The following ARHGAP6 variants were observed in gnomAD, a reference collection of about 807,000 sequenced individuals.
ARHGAP6 encodes the protein rho GTPase-activating protein 6.
A neutral mutation model predicts 55.7 loss-of-function variants in ARHGAP6; 16 were observed. The observed-to-expected ratio is 0.29, with a 90% CI of 0.19 to 0.44. The LOEUF (loss-of-function observed/expected upper bound fraction) is 0.44, where lower values mean the gene tolerates loss of function less well. ARHGAP6 is among the 20% of genes least tolerant of loss of function. The pLI, the probability that ARHGAP6 is intolerant of heterozygous loss-of-function variation, is 1.00. For missense variants in ARHGAP6, 698 were observed against 808.9 expected, an observed-to-expected ratio of 0.86 and a Z score of 1.66; for synonymous variants, 382 against 360.9, an observed-to-expected ratio of 1.06 and a Z score of -0.66.
intron 1 of ARHGAP6, among the ~76,000 whole-genome samples, chrX:11,504,855 T>C (rs1184922931): frequency 8.9e-6 from 1 of 112,532 alleles, no homozygotes; most frequent in Non-Finnish European, 1.9e-5. Context: ...CAATGTCACA[T>C]TGGAGAAGTT....
chrX:11,576,019 G>A (rs979750039), intron 1 of ARHGAP6, among the ~76,000 whole-genome samples: 34 of 111,931 alleles, frequency 3.0e-4, no homozygotes, highest in African/African-American at 1.0e-3. Flanking sequence ...GTAAATTATC[G>A]TTTTTTTAAT....
At chrX:11,560,056 A>G (rs1406348021) in intron 1 of ARHGAP6, among the ~76,000 whole-genome samples, 1 of 110,694 alleles carries the variant, frequency 9.0e-6, no homozygotes, top group African/African-American at 3.3e-5. Flanking sequence ...CAAGTTCTCC[A>G]TGCTAAAAAA....
chrX:11,609,367 A>C (rs1383274656), intron 1 of ARHGAP6, among the ~76,000 whole-genome samples: 5 of 112,000 alleles, frequency 4.5e-5, no homozygotes, highest in Non-Finnish European at 3.8e-5. Flanking sequence ...CTCTCTGAGA[A>C]ACCAGAAGGA....
rs200368545 is a variant in ARHGAP6, at chrX:11,442,389, A to AT, written c.589-187683dup. On this transcript the variant is annotated intron_variant, in intron 1 of 12. Transcript: ENST00000337414. ...ACTCCTTTTGTAAAATCTAAAATTGATTTTTTTTAGAAGTATACACATTTT... is the reference window on the plus strand; with the variant it reads ...ACTCCTTTTGTAAAATCTAAAATTGATTTTTTTTTAGAAGTATACACATTTT... Among the ~76,000 whole-genome samples, 134 of 110,333 alleles carry AT rather than the reference A, an allele frequency of 1.2e-3. 1 individual carries two copies. The East Asian group carries it at 0.022, about 18-fold the overall frequency.
At chrX:11,434,466 G>A (rs1168555277) in intron 1 of ARHGAP6, among the ~76,000 whole-genome samples, 1 of 110,767 alleles carries the variant, frequency 9.0e-6, no homozygotes, top group Non-Finnish European at 1.9e-5. Context: ...GTAAAAATTG[G>A]CCATCTGTGT....
At chrX:11,432,067 G>C (rs1422549485) in intron 1 of ARHGAP6, among the ~76,000 whole-genome samples, 2 of 112,467 alleles carry the variant, frequency 1.8e-5, no homozygotes, top group South Asian at 7.5e-4. Context: ...TCTAGATATT[G>C]CAGATGTCCC....
chrX:11,545,679 T>A (rs1474040969), intron 1 of ARHGAP6, among the ~76,000 whole-genome samples: 1 of 111,800 alleles, frequency 8.9e-6, no homozygotes, highest in Non-Finnish European at 1.9e-5. Flanking sequence ...ACAAGAGAGT[T>A]AGTTCAGGGA....
At chrX:11,479,601 C>T (rs2147836154) in intron 1 of ARHGAP6, among the ~76,000 whole-genome samples, 1 of 111,689 alleles carries the variant, frequency 9.0e-6, no homozygotes, top group African/African-American at 3.3e-5. Context: ...GGGCTCTGCA[C>T]TTGGTTTAAG....
intron 1 of ARHGAP6, among the ~76,000 whole-genome samples, chrX:11,416,598 G>A (rs1025507342): frequency 1.3e-4 from 14 of 110,845 alleles, no homozygotes; most frequent in Non-Finnish European, 5.7e-5. Context: ...ATCATGATAA[G>A]GTTCAAACCT....
intron 1 of ARHGAP6, among the ~76,000 whole-genome samples, chrX:11,443,576 T>A (rs933941001): frequency 8.0e-5 from 9 of 112,373 alleles, no homozygotes; most frequent in Non-Finnish European, 1.3e-4. Context: ...CAGCTCTCTC[T>A]TTATTTCTTG....
chrX:11,647,862 A>G, intron 1 of ARHGAP6, among the ~76,000 whole-genome samples: 1 of 112,158 alleles, frequency 8.9e-6, no homozygotes, highest in Non-Finnish European at 1.9e-5. Flanking sequence ...AAAATACCTG[A>G]CCAATACTTT....
At chrX:11,211,349 G>C (rs1440296111) in intron 2 of ARHGAP6, among the ~76,000 whole-genome samples, 2 of 106,029 alleles carry the variant, frequency 1.9e-5, no homozygotes, top group African/African-American at 7.0e-5. Flanking sequence ...AGCCTCCCGA[G>C]TAGCTGTGAC....
rs146754802 is a variant in ARHGAP6 at position 11,595,191 on chromosome X, G to A, written c.588+69050C>T. Among the ~76,000 whole-genome samples, 970 of 109,672 alleles carry A rather than the reference G, an allele frequency of 8.8e-3. 8 individuals are homozygous for A. The highest frequency in any genetic ancestry group is 0.031 in the African/African-American group (930 of 30,011). ...TATAATCCCAGCAACTCGGGAGGCT[G>A]AGACAGGAGAATCGCTTGAACCCAG... On this transcript the variant is annotated intron_variant, in intron 1 of 12. Transcript: ENST00000337414.
chrX:11,300,710 T>C, intron 1 of ARHGAP6: 1 of 823,378 alleles, frequency 1.2e-6, no homozygotes, highest in Admixed American at 2.4e-5. Flanking sequence ...ACTTAGCAAA[T>C]TCTGTAACTA....
chrX:11,507,006 T>C lies in ARHGAP6; in HGVS notation c.588+157235A>G, dbSNP rs774958941. Reference sequence around the variant, plus strand: ...ATGACCAGTGATGGTGAGCATTTTTTCATAGTACATAGTGTCTTAATCATC... The same window carrying C: ...ATGACCAGTGATGGTGAGCATTTTTCCATAGTACATAGTGTCTTAATCATC... On this transcript the variant is annotated intron_variant, in intron 1 of 12. Transcript: ENST00000337414. 1.2e-4 allele frequency among the ~76,000 whole-genome samples: 13 copies of C among 112,355 alleles called. No homozygotes were observed. The South Asian group carries it at 4.5e-3, about 39-fold the overall frequency.
At chrX:11,376,691 T>G (rs1240170990) in intron 1 of ARHGAP6, among the ~76,000 whole-genome samples, 1 of 112,744 alleles carries the variant, frequency 8.9e-6, no homozygotes, top group Non-Finnish European at 1.9e-5. Context: ...AGATCACAAA[T>G]TATTACAGCA....
At chrX:11,299,799 A>G (rs1261432210) in intron 1 of ARHGAP6, among the ~76,000 whole-genome samples, 2 of 112,038 alleles carry the variant, frequency 1.8e-5, no homozygotes, top group African/African-American at 6.5e-5. Context: ...CCAGGATAAG[A>G]AGCCAGGACA....
chrX:11,661,397 T>C (rs2052702037), intron 1 of ARHGAP6, among the ~76,000 whole-genome samples: 1 of 112,744 alleles, frequency 8.9e-6, no homozygotes, highest in South Asian at 3.6e-4. Flanking sequence ...GAGGAAATGC[T>C]AACAAGATCG....
chrX:11,446,701 C>T (rs1477048893), intron 1 of ARHGAP6, among the ~76,000 whole-genome samples: 1 of 111,887 alleles, frequency 8.9e-6, no homozygotes, highest in Non-Finnish European at 1.9e-5. Flanking sequence ...AGGGTGGCAA[C>T]CTTAATAATA....
Sources: gnomAD v4.1 joint callset for allele counts (sites outside exome capture counted in the v4.1 genomes callset) on GRCh38, gnomAD v4.1.1 for gene constraint, MANE v1.5 for transcripts, NCBI Gene and HGNC (gene_info 2026-07-23, HGNC 2026-07-21) for gene names.